The following MAGOHB variants were observed in gnomAD, a reference collection of about 807,000 sequenced individuals.
The protein encoded by MAGOHB is mago homolog B, exon junction complex subunit.
MAGOHB carries 15 observed loss-of-function variants against 20.9 expected under a neutral mutation model. That is an observed-to-expected ratio of 0.72 (90% CI 0.48 to 1.11). The LOEUF is 1.11. Ranked by LOEUF, MAGOHB falls within the 50% of genes least tolerant of loss-of-function variation. MAGOHB has a pLI of 0.00. For synonymous variants in MAGOHB, 50 were observed against 57.9 expected, an observed-to-expected ratio of 0.86 and a Z score of 0.62; for missense variants, 162 against 177.6, an observed-to-expected ratio of 0.91 and a Z score of 0.50.
rs147928156 is a variant in MAGOHB at position 10,606,295 on chromosome 12, A to C, written c.427T>G (p.Phe143Val). ...ACAATTTAAATTGGTTTAATCTTGA[A>C]GTGTAATCCAATAAGACTGAAAACT... ...CLVFSLIGLHFKIKPI is the reference protein window; with the variant it reads ...CLVFSLIGLHVKIKPI Residue 143 changes from phenylalanine to valine, a missense_variant, in exon 5 of 5, where the codon TTC becomes GTC. Transcript: ENST00000320756. 6.5e-7 allele frequency: 1 copy of C among 1,539,592 alleles called. No individual in the cohort carries two copies. Among genetic ancestry groups the C allele is most frequent in the Non-Finnish European group, 8.8e-7 (1 of 1,130,114 alleles).
intron 3 of MAGOHB, chr12:10,608,356 T>C (rs1865665975): frequency 6.4e-6 from 1 of 157,138 alleles, no homozygotes. Context: ...GTAATATTAA[T>C]AACCACCACC....
At position 10,613,471 on chromosome 12, in the gene MAGOHB, T is replaced by C. The variant is rs1439049629; in HGVS notation, c.62A>G (p.His21Arg). ...YYVGHKGKFG[H>R]EFLEFEFRPD... ...CCGAAATTCGAACTCCAGAAACTCG[T>C]GCCCAAACTTGCCCTTGTGCCCTAC... The change falls in exon 1 of 5, where the codon CAC becomes CGC. Residue 21 changes from histidine (H) to arginine (R), a missense_variant. Coordinates refer to ENST00000320756, the MANE Select transcript of MAGOHB (RefSeq NM_018048.5). 6.2e-7 allele frequency: 1 copy of C among 1,614,152 alleles called. No individual in the cohort carries two copies.
At chr12:10,600,510 G>C (rs1458022372), downstream of MAGOHB, among the ~76,000 whole-genome samples, 1 of 151,876 alleles carries the variant, frequency 6.6e-6, no homozygotes, top group South Asian at 2.1e-4. Context: ...TGTTCCCTTT[G>C]ATGTTCCATC....
At chr12:10,609,411 T>A in intron 3 of MAGOHB, 1 of 442,308 alleles carries the variant, frequency 2.3e-6, no homozygotes, top group Non-Finnish European at 4.5e-6. Flanking sequence ...GGAAATGCAA[T>A]CATCAGTTTT....
chr12:10,600,897 T>C (rs1399595023), downstream of MAGOHB, among the ~76,000 whole-genome samples: 2 of 152,154 alleles, frequency 1.3e-5, no homozygotes. Context: ...CAGGGACATG[T>C]AGTCCCTGAA....
chr12:10,613,045 C>A, intron 1 of MAGOHB: 1 of 890,828 alleles, frequency 1.1e-6, no homozygotes, highest in Non-Finnish European at 1.6e-6. Flanking sequence ...ACACGTTGGG[C>A]TCCTCCCCTT....
intron 1 of MAGOHB, among the ~76,000 whole-genome samples, chr12:10,611,720 C>T (rs1188894755): frequency 3.2e-5 from 4 of 126,950 alleles, no homozygotes; most frequent in Admixed American, 9.8e-5. Flanking sequence ...TGCACTGCAG[C>T]CTGGACGACA....
At chr12:10,612,881 G>C (rs1591667164) in intron 1 of MAGOHB, 1 of 1,288,928 alleles carries the variant, frequency 7.8e-7, no homozygotes, top group African/African-American at 1.5e-5. Flanking sequence ...CTCTCATTTC[G>C]AGACTCATCT....
chr12:10,612,747 G>T, intron 1 of MAGOHB: 2 of 1,200,838 alleles, frequency 1.7e-6, no homozygotes, highest in Non-Finnish European at 2.1e-6. Flanking sequence ...CAAGATCAAT[G>T]TAACATTCTC....
At chr12:10,611,747 CAAAAAAAAAAA>C (rs1042294332) in intron 1 of MAGOHB, among the ~76,000 whole-genome samples, 2 of 27,686 alleles carry the variant, frequency 7.2e-5, no homozygotes, top group African/African-American at 2.1e-4. Context: ...GACTCTGTCT[CAAAAAAAAAAA>C]AAAAAAAAAA....
At chr12:10,609,454 G>A (rs1865684322) in intron 3 of MAGOHB, 1 of 412,858 alleles carries the variant, frequency 2.4e-6, no homozygotes, top group Middle Eastern at 3.5e-4. Flanking sequence ...TTTCTCTCTG[G>A]GGTATAGGGA....
intron 3 of MAGOHB, 78 bp from the exon 4 acceptor site, chr12:10,608,014 C>T: frequency 1.2e-6 from 1 of 863,730 alleles, no homozygotes; most frequent in Non-Finnish European, 1.8e-6. Context: ...ACAAGCAGAT[C>T]CCAATTTTAG....
intron 4 of MAGOHB, among the ~76,000 whole-genome samples, chr12:10,606,974 T>A (rs10772334): frequency 0.27 from 41,414 of 151,968 alleles, 6,828 homozygotes; most frequent in East Asian, 0.81. Flanking sequence ...ATGTCAACAG[T>A]TTTTGATGCA....
At chr12:10,600,956 G>A (rs1328634263), downstream of MAGOHB, among the ~76,000 whole-genome samples, 2 of 152,140 alleles carry the variant, frequency 1.3e-5, no homozygotes, top group East Asian at 1.9e-4. Context: ...ATCTCCCAGA[G>A]GCTAATTTTA....
downstream of MAGOHB, among the ~76,000 whole-genome samples, chr12:10,601,343 T>C (rs1296639011): frequency 2.0e-5 from 3 of 152,322 alleles, no homozygotes; most frequent in East Asian, 5.8e-4. Flanking sequence ...TTCATTGACT[T>C]GCATAAGGAA....
intron 1 of MAGOHB, 110 bp downstream of exon 1, chr12:10,613,329 T>G: frequency 1.1e-6 from 1 of 917,426 alleles, no homozygotes; most frequent in East Asian, 2.4e-5. Flanking sequence ...CTTAAGCTCC[T>G]ATTTCCTTCG....
At chr12:10,601,459 C>T (rs1346254892), downstream of MAGOHB, among the ~76,000 whole-genome samples, 1 of 152,180 alleles carries the variant, frequency 6.6e-6, no homozygotes, top group African/African-American at 2.4e-5. Context: ...AAGGCTCTTG[C>T]CACAAAGCAT....
chr12:10,613,575 C>A lies in MAGOHB; in HGVS notation c.-43G>T. 4 of 1,375,004 alleles carry A rather than the reference C, an allele frequency of 2.9e-6. No homozygotes were observed. The highest frequency in any genetic ancestry group is 4.2e-6 in the Non-Finnish European group (4 of 961,982). 85.2% of individuals were successfully genotyped at this position (1,375,004 alleles called of 1,614,324 possible). ...CCGCCGAAAACGCAGCCAACGTGTC[C>A]CCCGGCGCCTTGCAGTGACGTCATC... On this transcript the variant is annotated 5_prime_UTR_variant, in exon 1 of 5. It introduces an in-frame stop codon into an upstream open reading frame of the 5' UTR. Coordinates refer to ENST00000320756, the MANE Select transcript of MAGOHB (RefSeq NM_018048.5).
rs924867677 is a variant in MAGOHB at position 10,612,594 on chromosome 12, C to G, written c.94+845G>C. The G allele has an allele frequency of 1.2e-5, 11 of 952,492 alleles. No individual in the cohort carries two copies. In the African/African-American group the frequency reaches 1.8e-4, roughly 15 times the overall value. The allele number at this position is 952,492 out of a possible 1,614,324, so 59.0% of individuals were successfully genotyped here. A position where few individuals can be genotyped will look rare whatever the true frequency, so the allele number is the denominator to read the frequency against. On this transcript the variant is annotated intron_variant, in intron 1 of 4. Transcript: ENST00000320756. ...ATAGTTAAATGTCTGTGCCTCCCAC[C>G]AAGACAAATCTGCTTTAGTTAAATT...
Sources: allele counts gnomAD v4.1 joint callset (sites outside exome capture counted in the v4.1 genomes callset), GRCh38; gene constraint gnomAD v4.1.1; transcripts MANE v1.5; gene names NCBI Gene and HGNC (gene_info 2026-07-23, HGNC 2026-07-21).